Variants in ACOT13 observed in about 807,000 individuals in gnomAD.
ACOT13 encodes the protein acyl-CoA thioesterase 13.
In ACOT13, 10 loss-of-function variants were observed where a neutral mutation model predicts 11.8. That is an observed-to-expected ratio of 0.85 (90% CI 0.53 to 1.44). The LOEUF is 1.44. Among genes scored for constraint, ACOT13 ranks in the 40% most tolerant of loss-of-function variants. ACOT13 has a pLI of 0.00. For missense variants in ACOT13, 172 were observed against 174.1 expected (o/e 0.99, Z 0.07); for synonymous variants, 53 against 61.0 (o/e 0.87, Z 0.61).
intron 1 of ACOT13, among the ~76,000 whole-genome samples, chr6:24,673,012 T>C (rs1443667422): frequency 6.6e-6 from 1 of 152,206 alleles, no homozygotes; most frequent in Non-Finnish European, 1.5e-5. Context: ...TAGGACTTGG[T>C]GTCCTTTTTA....
At chr6:24,686,590 T>C (rs1032391925) in intron 1 of ACOT13, among the ~76,000 whole-genome samples, 7 of 151,226 alleles carry the variant, frequency 4.6e-5, no homozygotes, top group African/African-American at 1.7e-4. Context: ...TTTTCTTTCC[T>C]TCCTTCCTTT....
chr6:24,669,065 TAAG>T (rs1215049913), intron 1 of ACOT13, among the ~76,000 whole-genome samples: 16 of 152,322 alleles, frequency 1.1e-4, no homozygotes, highest in African/African-American at 3.8e-4. Context: ...TCATGCTCCA[TAAG>T]AAGCATTTAT....
intron 1 of ACOT13, among the ~76,000 whole-genome samples, chr6:24,681,504 T>TAA (rs374350978): frequency 8.6e-5 from 13 of 151,262 alleles, no homozygotes; most frequent in African/African-American, 2.4e-4. Flanking sequence ...ACTTTTTTTT[T>TAA]TTATTCTATC....
At chr6:24,671,992 G>A (rs1489683794) in intron 1 of ACOT13, among the ~76,000 whole-genome samples, 9 of 152,260 alleles carry the variant, frequency 5.9e-5, no homozygotes, top group Middle Eastern at 3.4e-3. Flanking sequence ...TGTAATTTTT[G>A]TACCAAATAA....
Position 24,701,498 on chromosome 6 carries a change from TACAGCAC to T in ACOT13, c.308_314del (p.Thr103MetfsTer3), listed in dbSNP as rs746069571. 356 of 1,613,646 alleles carry T rather than the reference TACAGCAC, an allele frequency of 2.2e-4. No individual in the cohort carries two copies. Among genetic ancestry groups the T allele is most frequent in the Middle Eastern group, 9.9e-4 (6 of 6,080 alleles). The stretch of plus-strand genomic sequence containing the variant: ...CAAAATTAGGAGAAGATATAGTGAT[TACAGCAC>T]ATGTTCTGAAGCAAGGAAAAACACT... On this transcript the variant is annotated frameshift_variant, in exon 3 of 3. Transcript: ENST00000230048. LOFTEE classifies it high-confidence loss of function.
chr6:24,673,877 A>C (rs1778401713), intron 1 of ACOT13, among the ~76,000 whole-genome samples: 1 of 150,788 alleles, frequency 6.6e-6, no homozygotes, highest in South Asian at 2.1e-4. Flanking sequence ...ACATGCTTGA[A>C]CTTTTATCTT....
chr6:24,678,401 A>G (rs888715525), intron 1 of ACOT13, among the ~76,000 whole-genome samples: 1 of 152,170 alleles, frequency 6.6e-6, no homozygotes, highest in Non-Finnish European at 1.5e-5. Flanking sequence ...CTGTACTCCT[A>G]AAACTGGAGT....
rs1778918531 is a variant in ACOT13 at position 24,702,960 on chromosome 6, T to G, written c.*1345T>G. 1 of 152,238 alleles carries G rather than the reference T, an allele frequency of 6.6e-6. No homozygotes were observed. Among genetic ancestry groups the G allele is most frequent in the Admixed American group, 6.5e-5 (1 of 15,278 alleles). The allele number at this position is 152,238 out of a possible 1,614,324, so 9.4% of individuals were successfully genotyped here. ...AGGCTGGAGTGATACAATCACAGCT[T>G]CCCATAGCCTCAAAATCCCAGGCTC... On this transcript the variant is annotated 3_prime_UTR_variant, in exon 3 of 3. Transcript: ENST00000230048.
intron 1 of ACOT13, among the ~76,000 whole-genome samples, chr6:24,677,525 G>A (rs1778475328): frequency 1.3e-5 from 2 of 152,196 alleles, no homozygotes; most frequent in African/African-American, 4.8e-5. Context: ...CCTTACTCAG[G>A]TATGCCACAG....
chr6:24,698,070 A>G lies in ACOT13; in HGVS notation c.266+3A>G. The G allele has an allele frequency of 1.9e-6, 3 of 1,595,184 alleles. No homozygotes were observed. Among genetic ancestry groups the G allele is most frequent in the Non-Finnish European group, 2.6e-6 (3 of 1,170,764 alleles). ...GTCAGTGTCGATATGAACATAACGT[A>G]TGTATCCAAACTGTATTCCAAATCC... On this transcript the variant is annotated splice_donor_region_variant and intron_variant, in intron 2 of 2. Transcript: ENST00000230048.
chr6:24,669,964 A>G (rs1219707544), intron 1 of ACOT13, among the ~76,000 whole-genome samples: 4 of 152,228 alleles, frequency 2.6e-5, no homozygotes, highest in Admixed American at 1.3e-4. Flanking sequence ...AAGGAAAAGA[A>G]AAGAAAAAAA....
At position 24,690,040 on chromosome 6, in the gene ACOT13, A is replaced by G. The variant is rs774216717; in HGVS notation, c.82-7843A>G. On this transcript the variant is annotated intron_variant, in intron 1 of 2. Transcript: ENST00000230048. ...CTGAATTAAAAACAGCACTAAGAAA[A>G]AACTGTAGTTTTTACTTGGCCATCC... 8.4e-4 allele frequency among the ~76,000 whole-genome samples: 128 copies of G among 152,228 alleles called. 1 individual carries two copies. Among genetic ancestry groups the G allele is most frequent in the Admixed American group, 2.1e-3 (32 of 15,296 alleles).
intron 1 of ACOT13, among the ~76,000 whole-genome samples, chr6:24,686,117 AAACT>A (rs917971612): frequency 3.9e-4 from 59 of 152,304 alleles, no homozygotes; most frequent in African/African-American, 1.2e-3. Context: ...ATTTGTCAAC[AAACT>A]AAGTACTGTG....
At chr6:24,690,764 CTT>C (rs1467991080) in intron 1 of ACOT13, among the ~76,000 whole-genome samples, 1 of 152,166 alleles carries the variant, frequency 6.6e-6, no homozygotes, top group Non-Finnish European at 1.5e-5. Flanking sequence ...TTGGCCTTCT[CTT>C]ATAACCCTTG....
chr6:24,700,961 T>G (rs966032260), intron 2 of ACOT13: 1 of 152,140 alleles, frequency 6.6e-6, no homozygotes, highest in East Asian at 1.9e-4. Context: ...AGACAACTTA[T>G]GATTACAAGT....
chr6:24,682,982 G>A (rs1462716346), intron 1 of ACOT13, among the ~76,000 whole-genome samples: 2 of 152,184 alleles, frequency 1.3e-5, no homozygotes, highest in Non-Finnish European at 2.9e-5. Flanking sequence ...TGAGCTCTCT[G>A]ATTGGTTGGG....
chr6:24,703,963 A>G lies in ACOT13; in HGVS notation c.*2348A>G, dbSNP rs998879891. 2 of 152,218 alleles carry G rather than the reference A, an allele frequency of 1.3e-5. No homozygotes were observed. The highest frequency in any genetic ancestry group is 2.9e-5 in the Non-Finnish European group (2 of 68,048). The allele number at this position is 152,218 out of a possible 1,614,324, so 9.4% of individuals were successfully genotyped here. The stretch of plus-strand genomic sequence containing the variant: ...AGAGGTCATGGAACACATAAAGGCT[A>G]AGGAACTGTTCCACATTAAAGACAA... On this transcript the variant is annotated 3_prime_UTR_variant, in exon 3 of 3. Transcript: ENST00000230048.
chr6:24,672,004 C>T (rs1778373735), intron 1 of ACOT13, among the ~76,000 whole-genome samples: 1 of 152,122 alleles, frequency 6.6e-6, no homozygotes, highest in Admixed American at 6.5e-5. Flanking sequence ...ACCAAATAAG[C>T]CAAATTATGC....
At chr6:24,694,173 T>A (rs1778759925) in intron 1 of ACOT13, among the ~76,000 whole-genome samples, 1 of 152,224 alleles carries the variant, frequency 6.6e-6, no homozygotes, top group African/African-American at 2.4e-5. Context: ...ATAAAAGTTC[T>A]TGCCAACCTA....
Sources: gnomAD v4.1 joint callset for allele counts (sites outside exome capture counted in the v4.1 genomes callset) on GRCh38, gnomAD v4.1.1 for gene constraint, MANE v1.5 for transcripts, NCBI Gene and HGNC (gene_info 2026-07-23, HGNC 2026-07-21) for gene names.